GTF2H5: variants seen among roughly 807,000 people sequenced by gnomAD.
GTF2H5 encodes the protein TFB5 ortholog.
Under a neutral mutation model 7.1 loss-of-function variants are expected in GTF2H5, and 5 were observed. The observed-to-expected ratio is 0.71, with a 90% confidence interval of 0.37 to 1.49. GTF2H5 has a LOEUF of 1.49. GTF2H5 is among the 40% of genes most tolerant of loss of function. GTF2H5 has a pLI of 0.03. For missense variants in GTF2H5, 80 were observed against 83.0 expected (o/e 0.96, Z 0.14); for synonymous variants, 30 against 31.7 (o/e 0.95, Z 0.18).
At chr6:158,171,028 C>T (rs1469626132) in intron 2 of GTF2H5, among the ~76,000 whole-genome samples, 1 of 152,134 alleles carries the variant, frequency 6.6e-6, no homozygotes, top group African/African-American at 2.4e-5. Flanking sequence ...GTGGACACTC[C>T]CATTGTCTGA....
Position 158,195,754 on chromosome 6 carries a change from C to G in GTF2H5, c.*3597C>G, listed in dbSNP as rs1175469942. On this transcript the variant is annotated 3_prime_UTR_variant, in exon 3 of 3. Transcript: ENST00000607778. ...AGGAGTAAAAGCTCTGACAAAAAGC[C>G]TCTGCTGTAACTAAAATACTGAGAT... 1.3e-5 allele frequency: 2 copies of G among 152,150 alleles called. No individual in the cohort carries two copies. The highest frequency in any genetic ancestry group is 2.9e-5 in the Non-Finnish European group (2 of 68,032). 9.4% of individuals were successfully genotyped at this position (152,150 alleles called of 1,614,324 possible).
At chr6:158,169,546 A>G (rs1785757905) in intron 1 of GTF2H5, among the ~76,000 whole-genome samples, 1 of 94,124 alleles carries the variant, frequency 1.1e-5, no homozygotes, top group Non-Finnish European at 1.8e-5. Flanking sequence ...TATATATAAT[A>G]TACTGTATAT....
chr6:158,170,853 C>T (rs1785845748), intron 2 of GTF2H5, among the ~76,000 whole-genome samples: 2 of 152,164 alleles, frequency 1.3e-5, no homozygotes, highest in Admixed American at 6.5e-5. Flanking sequence ...TAAGTCTTTA[C>T]CATTACAAAC....
rs185972967 is a variant in GTF2H5 at position 158,191,935 on chromosome 6, T to C, written c.36-42T>C. The C allele has an allele frequency of 5.1e-5, 77 of 1,517,252 alleles. No homozygotes were observed. The African/African-American group carries it at 8.6e-4, about 17-fold the overall frequency. The allele number at this position is 1,517,252 out of a possible 1,614,324, so 94.0% of individuals were successfully genotyped here. ...ATTGCTCAAGTCTCTGTGATGTGAT[T>C]TGACAACAAGCTGTCTTACAATCAT... On this transcript the variant is annotated intron_variant, in intron 2 of 2. Transcript: ENST00000607778.
chr6:158,170,660 A>T (rs1785843315), intron 2 of GTF2H5, 122 bp downstream of exon 2: 1 of 749,882 alleles, frequency 1.3e-6, no homozygotes, highest in Non-Finnish European at 2.3e-6. Flanking sequence ...TTCGCTTTTA[A>T]CAAGTGGCAC....
In GTF2H5 at chr6:158,199,236, T is replaced by C. The variant is rs1044501426; in HGVS notation, c.*7079T>C. ...CCGTTTAAGTACAGTGTTCACTCTT[T>C]GGGTAATGTGTACAATAGAAGCCCA... On this transcript the variant is annotated 3_prime_UTR_variant, in exon 3 of 3. Coordinates refer to ENST00000607778, the MANE Select transcript of GTF2H5 (RefSeq NM_207118.3). 3.3e-5 allele frequency: 5 copies of C among 151,334 alleles called. No individual in the cohort carries two copies. Among genetic ancestry groups the C allele is most frequent in the African/African-American group, 1.2e-4 (5 of 40,626 alleles). 9.4% of individuals were successfully genotyped at this position (151,334 alleles called of 1,614,324 possible).
At chr6:158,191,747 G>A (rs991417313) in intron 2 of GTF2H5, among the ~76,000 whole-genome samples, 2 of 152,196 alleles carry the variant, frequency 1.3e-5, no homozygotes, top group Non-Finnish European at 2.9e-5. Context: ...CTCCCAAAGT[G>A]CTGGGATCAC....
At chr6:158,190,918 C>G (rs750295649) in intron 2 of GTF2H5, 8 of 517,054 alleles carry the variant, frequency 1.5e-5, no homozygotes, top group Admixed American at 5.9e-5. Flanking sequence ...AGACATTTTG[C>G]TGTAAATCTG....
intron 2 of GTF2H5, among the ~76,000 whole-genome samples, chr6:158,181,547 G>A (rs530820108): frequency 6.0e-4 from 92 of 152,252 alleles, no homozygotes; most frequent in African/African-American, 1.9e-3. Flanking sequence ...TTACGAATCT[G>A]GGTCCCCCTG....
At chr6:158,169,984 G>A (rs1334369860) in intron 1 of GTF2H5, among the ~76,000 whole-genome samples, 1 of 151,140 alleles carries the variant, frequency 6.6e-6, no homozygotes, top group Non-Finnish European at 1.5e-5. Context: ...TCGCGCCACT[G>A]CACTACAGCC....
In GTF2H5 at chr6:158,169,241, A is replaced by G. The variant is rs1426250912; in HGVS notation, c.-35+846A>G. 3.7e-5 allele frequency among the ~76,000 whole-genome samples: 5 copies of G among 135,258 alleles called. No homozygotes were observed. The Admixed American group carries it at 4.3e-4, about 12-fold the overall frequency. 88.7% of individuals were successfully genotyped at this position (135,258 alleles called of 152,430 possible). ...AGAGTGAGACTCTGTCTCGAAGTGT[A>G]TATATACATATATATATATTATATA... is the stretch of plus-strand genomic sequence containing the variant. On this transcript the variant is annotated intron_variant, in intron 1 of 2. Coordinates refer to ENST00000607778, the MANE Select transcript of GTF2H5 (RefSeq NM_207118.3).
At chr6:158,168,864 G>A (rs758466303) in intron 1 of GTF2H5, among the ~76,000 whole-genome samples, 1 of 152,170 alleles carries the variant, frequency 6.6e-6, no homozygotes, top group Non-Finnish European at 1.5e-5. Flanking sequence ...TTGGGAGGCC[G>A]AGGCGGGCAA....
At position 158,195,426 on chromosome 6, in the gene GTF2H5, A is replaced by G. The variant is rs1363510063; in HGVS notation, c.*3269A>G. On this transcript the variant is annotated 3_prime_UTR_variant, in exon 3 of 3. Coordinates refer to ENST00000607778, the MANE Select transcript of GTF2H5 (RefSeq NM_207118.3). ...AATTCCAATTTCCTTGTGAAATTTC[A>G]TGTGATTAATTTAAAATTCCAGGGA... 5 of 152,242 alleles carry G rather than the reference A, an allele frequency of 3.3e-5. No homozygotes were observed. Among genetic ancestry groups the G allele is most frequent in the Non-Finnish European group, 7.3e-5 (5 of 68,040 alleles). 9.4% of individuals were successfully genotyped at this position (152,242 alleles called of 1,614,324 possible).
At position 158,169,704 on chromosome 6, in the gene GTF2H5, ATTG is replaced by A. The variant is rs1785795222; in HGVS notation, c.-34-764_-34-762del. Among the ~76,000 whole-genome samples, 2 of 90,402 alleles carry A rather than the reference ATTG, an allele frequency of 2.2e-5. 1 individual carries two copies. Among genetic ancestry groups the A allele is most frequent in the East Asian group, 5.0e-4 (2 of 3,970 alleles). 59.3% of individuals were successfully genotyped at this position (90,402 alleles called of 152,430 possible). On this transcript the variant is annotated intron_variant, in intron 1 of 2. Coordinates refer to ENST00000607778, the MANE Select transcript of GTF2H5 (RefSeq NM_207118.3). ...ATATATAATATATATTATATAATAT[ATTG>A]TATATTATATATTATATAATATATT...
intron 2 of GTF2H5, among the ~76,000 whole-genome samples, chr6:158,181,220 A>G (rs1335632042): frequency 2.0e-5 from 3 of 152,180 alleles, no homozygotes; most frequent in African/African-American, 7.2e-5. Flanking sequence ...ATTTGATTGC[A>G]CTGTGGTCTG....
At chr6:158,189,308 C>A (rs1776982396) in intron 2 of GTF2H5, among the ~76,000 whole-genome samples, 1 of 152,148 alleles carries the variant, frequency 6.6e-6, no homozygotes, top group Non-Finnish European at 1.5e-5. Context: ...ACCAACCCTC[C>A]TCTTTATAAT....
chr6:158,195,222 G>A lies in GTF2H5; in HGVS notation c.*3065G>A, dbSNP rs1248423480. The A allele has an allele frequency of 1.3e-5, 2 of 150,962 alleles. No individual in the cohort carries two copies. The highest frequency in any genetic ancestry group is 5.0e-5 in the African/African-American group (2 of 40,310). The allele number at this position is 150,962 out of a possible 1,614,324, so 9.4% of individuals were successfully genotyped here. A position where few individuals can be genotyped will look rare whatever the true frequency, so the allele number is the denominator to read the frequency against. ...AGGCAGGAGGATCACTGAAGCCCAG[G>A]AGTTTGAAGCTGCAGTAAGCTAAGA... On this transcript the variant is annotated 3_prime_UTR_variant, in exon 3 of 3. Coordinates refer to ENST00000607778, the MANE Select transcript of GTF2H5 (RefSeq NM_207118.3).
intron 1 of GTF2H5, among the ~76,000 whole-genome samples, chr6:158,168,907 G>T (rs561442896): frequency 2.6e-4 from 39 of 152,090 alleles, no homozygotes; most frequent in Middle Eastern, 6.8e-3. Context: ...AGACCAGCCT[G>T]GCCAACATGG....
chr6:158,169,432 GTATATTATA>G lies in GTF2H5; in HGVS notation c.-34-1025_-34-1017del, dbSNP rs1192173597. Reference sequence around the variant, plus strand: ...TATTATATATTATATATAATATATTGTATATTATATATATTATATATTATATATATTATA... The same window carrying G: ...TATTATATATTATATATAATATATTGTATATTATATATTATATATATTATA... On this transcript the variant is annotated intron_variant, in intron 1 of 2. Transcript: ENST00000607778. Among the ~76,000 whole-genome samples, 370 of 56,854 alleles carry G rather than the reference GTATATTATA, an allele frequency of 6.5e-3. 12 individuals are homozygous for G. Among genetic ancestry groups the G allele is most frequent in the Non-Finnish European group, 7.8e-3 (277 of 35,686 alleles). The allele number at this position is 56,854 out of a possible 152,430, so 37.3% of individuals were successfully genotyped here.
Sources: allele counts gnomAD v4.1 joint callset (sites outside exome capture counted in the v4.1 genomes callset), GRCh38; gene constraint gnomAD v4.1.1; transcripts MANE v1.5; gene names NCBI Gene and HGNC (gene_info 2026-07-23, HGNC 2026-07-21).